CCM2: variants seen among roughly 807,000 people sequenced by gnomAD.
The protein encoded by CCM2 is cerebral cavernous malformations 2 protein.
A neutral mutation model predicts 44.9 loss-of-function variants in CCM2; 25 were observed. That is an observed-to-expected ratio of 0.56 (90% CI 0.41 to 0.78). The LOEUF is 0.78. Ranked by LOEUF, CCM2 falls within the 30% of genes least tolerant of loss-of-function variation. The pLI, the probability that CCM2 is intolerant of heterozygous loss-of-function variation, is 0.00. For synonymous variants in CCM2, 219 were observed against 241.1 expected (o/e 0.91, Z 0.85); for missense variants, 481 against 580.6 (o/e 0.83, Z 1.76).
chr7:45,021,465 G>A (rs1431114673), intron 1 of CCM2, among the ~76,000 whole-genome samples: 1 of 151,786 alleles, frequency 6.6e-6, no homozygotes, highest in Non-Finnish European at 1.5e-5. Flanking sequence ...TCGGGAGGCT[G>A]AGACAGGGAG....
chr7:45,022,841 A>G (rs1796534640), intron 1 of CCM2, among the ~76,000 whole-genome samples: 1 of 151,368 alleles, frequency 6.6e-6, no homozygotes, highest in Non-Finnish European at 1.5e-5. Context: ...CCCGACCTCA[A>G]GCGATTCTCC....
intron 2 of CCM2, among the ~76,000 whole-genome samples, chr7:45,056,822 G>T (rs990650168): frequency 6.6e-6 from 1 of 152,158 alleles, no homozygotes; most frequent in African/African-American, 2.4e-5. Flanking sequence ...TTTAATTTTG[G>T]TGAAGTCCAG....
intron 8 of CCM2, chr7:45,074,054 G>A: frequency 1.0e-6 from 1 of 958,140 alleles, no homozygotes; most frequent in Non-Finnish European, 1.5e-6. Flanking sequence ...CAGGAGAGTG[G>A]AGCTGCCCGG....
chr7:45,023,812 T>G (rs1177573388), intron 1 of CCM2, among the ~76,000 whole-genome samples: 5 of 141,878 alleles, frequency 3.5e-5, no homozygotes, highest in East Asian at 2.1e-4. Context: ...TTTTTTTTTT[T>G]TTTTTTTTTT....
chr7:45,023,265 T>G (rs1372962717), intron 1 of CCM2, among the ~76,000 whole-genome samples: 1 of 152,056 alleles, frequency 6.6e-6, no homozygotes, highest in Non-Finnish European at 1.5e-5. Flanking sequence ...AAACTTTATT[T>G]ACGGCTGGGT....
At chr7:45,018,084 C>G (rs1796335492) in intron 1 of CCM2, among the ~76,000 whole-genome samples, 2 of 152,094 alleles carry the variant, frequency 1.3e-5, no homozygotes, top group African/African-American at 2.4e-5. Flanking sequence ...GATCATCAGG[C>G]ATTAGATTCT....
intron 1 of CCM2, among the ~76,000 whole-genome samples, chr7:45,008,286 C>T (rs887834954): frequency 4.6e-5 from 7 of 151,792 alleles, no homozygotes; most frequent in African/African-American, 1.7e-4. Context: ...GATCCACCCG[C>T]CTCGTCCTCC....
intron 2 of CCM2, among the ~76,000 whole-genome samples, chr7:45,052,022 T>C (rs1256653003): frequency 6.6e-6 from 1 of 152,208 alleles, no homozygotes; most frequent in Non-Finnish European, 1.5e-5. Context: ...TCCGTGATCA[T>C]GTGCCTACTG....
chr7:45,067,314 C>T (rs188562890), intron 4 of CCM2, among the ~76,000 whole-genome samples: 1 of 151,840 alleles, frequency 6.6e-6, no homozygotes, highest in South Asian at 2.1e-4. Flanking sequence ...GCATGAGCCA[C>T]CACGCCCAGC....
intron 1 of CCM2, among the ~76,000 whole-genome samples, chr7:45,000,636 C>T (rs1167910105): frequency 2.6e-5 from 4 of 152,234 alleles, no homozygotes; most frequent in Admixed American, 2.0e-4. Context: ...GGACCTGGGG[C>T]TGCAGAGGAA....
At chr7:45,014,406 T>C (rs1344510085) in intron 1 of CCM2, among the ~76,000 whole-genome samples, 1 of 152,168 alleles carries the variant, frequency 6.6e-6, no homozygotes, top group South Asian at 2.1e-4. Flanking sequence ...CCCAAAGTGC[T>C]GGGATTACAG....
At chr7:45,043,375 C>T (rs969545187) in intron 2 of CCM2, among the ~76,000 whole-genome samples, 1 of 152,078 alleles carries the variant, frequency 6.6e-6, no homozygotes, top group Non-Finnish European at 1.5e-5. Flanking sequence ...ACATAAAATT[C>T]CTCAGGAAAC....
intron 1 of CCM2, among the ~76,000 whole-genome samples, chr7:45,015,513 G>C (rs1201928065): frequency 6.6e-6 from 1 of 152,034 alleles, no homozygotes; most frequent in Non-Finnish European, 1.5e-5. Flanking sequence ...GGGGAGGTGA[G>C]GATGAAAAAA....
intron 1 of CCM2, among the ~76,000 whole-genome samples, chr7:45,011,202 T>A (rs1255087435): frequency 2.0e-5 from 3 of 151,734 alleles, no homozygotes; most frequent in African/African-American, 2.4e-5. Context: ...CAGCTAAATT[T>A]TTTTTTTTTT....
intron 2 of CCM2, among the ~76,000 whole-genome samples, chr7:45,044,938 T>C (rs1469716604): frequency 1.3e-5 from 2 of 152,334 alleles, no homozygotes; most frequent in East Asian, 3.9e-4. Flanking sequence ...ATCCCCAAGA[T>C]GACTAGAAAA....
At chr7:45,074,502 G>A in intron 9 of CCM2, 94 bp downstream of exon 9, 1 of 982,702 alleles carries the variant, frequency 1.0e-6, no homozygotes, top group Non-Finnish European at 1.6e-6. Flanking sequence ...CTCAGTGGGT[G>A]CAGCAGGGGC....
chr7:45,072,952 C>T (rs1799152504), intron 7 of CCM2, 169 bp downstream of exon 7: 1 of 694,708 alleles, frequency 1.4e-6, no homozygotes, highest in African/African-American at 1.8e-5. Flanking sequence ...GCTCGCCGCC[C>T]TCTCCTCGTA....
At chr7:45,064,223 G>C (rs1295064677) in intron 3 of CCM2, among the ~76,000 whole-genome samples, 1 of 152,178 alleles carries the variant, frequency 6.6e-6, no homozygotes, top group African/African-American at 2.4e-5. Flanking sequence ...ACACTTTCAA[G>C]ATATTTCAAA....
intron 8 of CCM2, 22 bp downstream of exon 8, chr7:45,073,593 G>C: frequency 6.4e-7 from 1 of 1,559,652 alleles, no homozygotes; most frequent in South Asian, 1.1e-5. Flanking sequence ...CTGCAGGGAC[G>C]CTGGGCTGCA....
Sources: gnomAD v4.1 joint callset for allele counts (sites outside exome capture counted in the v4.1 genomes callset) on GRCh38, gnomAD v4.1.1 for gene constraint, MANE v1.5 for transcripts, NCBI Gene and HGNC (gene_info 2026-07-23, HGNC 2026-07-21) for gene names.